Variants in PHC2 observed in about 807,000 individuals in gnomAD.
The protein encoded by PHC2 is polyhomeotic homolog 2.
Under a neutral mutation model 87.4 loss-of-function variants are expected in PHC2, and 29 were observed. The ratio of observed to expected loss-of-function variants is 0.33; its 90% CI spans 0.25 to 0.45. PHC2 has a LOEUF of 0.45. Ranked by LOEUF, PHC2 falls within the 20% of genes least tolerant of loss-of-function variation. PHC2 has a pLI of 1.00. For missense variants in PHC2, 857 were observed against 1,136.7 expected (o/e 0.75, Z 3.54); for synonymous variants, 438 against 461.7 (o/e 0.95, Z 0.66).
At chr1:33,356,206 T>C (rs4653083) in intron 7 of PHC2, among the ~76,000 whole-genome samples, 102,936 of 144,056 alleles carry the variant, frequency 0.71, 37,560 homozygotes, top group African/African-American at 0.86. Flanking sequence ...CTAGCTTTTC[T>C]CTCTTCTATT....
At chr1:33,370,666 C>A (rs372809514) in intron 4 of PHC2, 81 bp from the exon 5 acceptor site, 55 of 1,364,108 alleles carry the variant, frequency 4.0e-5, no homozygotes, top group Non-Finnish European at 5.1e-5. Context: ...CTTTCTCCCC[C>A]CTCTTTTGCT....
chr1:33,326,107 A>AT (rs1234834471), intron 14 of PHC2: 3 of 295,852 alleles, frequency 1.0e-5, no homozygotes, highest in Non-Finnish European at 6.8e-6. Flanking sequence ...AGCTAAGGAG[A>AT]TTTTCAGGCA....
rs148188199 is a variant in PHC2, at chr1:33,355,030, C to T, written c.1200G>A (p.Pro400=). The change falls in exon 8 of 15, where the codon CCG becomes CCA. Residue 400 remains proline (P), a synonymous_variant. Transcript: ENST00000683057. The stretch of plus-strand genomic sequence containing the variant: ...ACTGGAGTGGCAGGGCGGGTGTAAC[C>T]GGGCCTAGTGGCATGGCATGGGCCT... ...SSEAHAMPLG[P]VTPALPLQCP... is the part of the protein sequence containing the mutation. The T allele has an allele frequency of 2.0e-4, 317 of 1,613,792 alleles. 1 individual carries two copies. The highest frequency in any genetic ancestry group is 7.1e-4 in the East Asian group (32 of 44,876).
At chr1:33,393,016 T>G (rs1649134364) in intron 1 of PHC2, among the ~76,000 whole-genome samples, 2 of 152,172 alleles carry the variant, frequency 1.3e-5, no homozygotes, top group South Asian at 4.1e-4. Context: ...ATGCTTCAGA[T>G]AGCAGGCCAT....
At position 33,369,536 on chromosome 1, in the gene PHC2, A is replaced by G. The variant is rs1420804986; in HGVS notation, c.576+885T>C. On this transcript the variant is annotated intron_variant, in intron 5 of 14. Coordinates refer to ENST00000683057, the MANE Select transcript of PHC2 (RefSeq NM_001385109.1). The surrounding 1 kb of genome is among the most constrained non-coding windows in gnomAD (Gnocchi z 4.7). Reference sequence around the variant, plus strand: ...GAAGTCTATTTCATGCCTTGTGTCTAAGAGGCTGTTCCCTGGGGATAGAGA... The same window carrying G: ...GAAGTCTATTTCATGCCTTGTGTCTGAGAGGCTGTTCCCTGGGGATAGAGA... Among the ~76,000 whole-genome samples the G allele has an allele frequency of 6.6e-6, 1 of 152,168 alleles. No homozygotes were observed. Among genetic ancestry groups the G allele is most frequent in the Non-Finnish European group, 1.5e-5 (1 of 68,012 alleles).
chr1:33,365,691 CCTCCGTGGGGA>C (rs1647409848), intron 7 of PHC2, among the ~76,000 whole-genome samples: 1 of 152,234 alleles, frequency 6.6e-6, no homozygotes, highest in East Asian at 1.9e-4. Context: ...GGCCGTGAGG[CCTCCGTGGGGA>C]GGTGCCTTTC....
chr1:33,418,370 TGAGA>T (rs1265265335), intron 1 of PHC2, among the ~76,000 whole-genome samples: 2 of 111,306 alleles, frequency 1.8e-5, no homozygotes, highest in Admixed American at 1.7e-4. Flanking sequence ...AGAAAGAGAG[TGAGA>T]GAGAGAGAAA....
chr1:33,376,574 A>G (rs1648196817), intron 1 of PHC2, among the ~76,000 whole-genome samples: 1 of 152,256 alleles, frequency 6.6e-6, no homozygotes, highest in African/African-American at 2.4e-5. Context: ...GACACTGAAC[A>G]TCAGAGAATT....
intron 1 of PHC2, among the ~76,000 whole-genome samples, chr1:33,412,217 A>G (rs574393842): frequency 8.1e-4 from 124 of 152,374 alleles, no homozygotes; most frequent in South Asian, 1.9e-3. Flanking sequence ...CTAGAACTAA[A>G]GTAAATTGAT....
intron 1 of PHC2, among the ~76,000 whole-genome samples, chr1:33,407,525 G>C (rs1649814507): frequency 1.3e-5 from 2 of 152,112 alleles, no homozygotes; most frequent in Non-Finnish European, 2.9e-5. Context: ...AGCTGCTCCA[G>C]TAATGGTTTA....
Position 33,370,566 on chromosome 1 carries a change from G to C in PHC2, c.431C>G (p.Pro144Arg). 1 of 1,613,224 alleles carries C rather than the reference G, an allele frequency of 6.2e-7. No homozygotes were observed. The highest frequency in any genetic ancestry group is 8.5e-7 in the Non-Finnish European group (1 of 1,179,356). ...CCGGTTGAGGAGCTGGGCTGCTGCTGGGGAGGCTGCCAGGTTGATCTAATG... is the reference window on the plus strand; with the variant it reads ...CCGGTTGAGGAGCTGGGCTGCTGCTCGGGAGGCTGCCAGGTTGATCTAATG... Reference protein sequence around the residue: ...QSSSINLAASPAAAQLLNRAQ... With the variant: ...QSSSINLAASRAAAQLLNRAQ... The change falls in exon 5 of 15, where the codon CCA (proline) becomes CGA (arginine). Residue 144 changes from proline (P) to arginine (R), a missense_variant. Pro to Arg is a moderately radical substitution (Grantham distance 103). Around this residue, in one of 3 missense-constraint regions of PHC2, gnomAD observed 832 missense variants for 1,081.8 expected, o/e 0.77. Coordinates refer to ENST00000683057, the MANE Select transcript of PHC2 (RefSeq NM_001385109.1).
chr1:33,349,886 C>T lies in PHC2; in HGVS notation c.1558+4515G>A. ...GCGGGCGCTCGAGGGCTGCAGCCGC[C>T]GCGGAGACAATGCGGCGAGTCTGGG... On this transcript the variant is annotated intron_variant, in intron 9 of 14. Coordinates refer to ENST00000683057, the MANE Select transcript of PHC2 (RefSeq NM_001385109.1). The surrounding 1 kb of genome is among the most constrained non-coding windows in gnomAD (Gnocchi z 4.2). The T allele has an allele frequency of 1.0e-6, 1 of 977,242 alleles. No homozygotes were observed. The highest frequency in any genetic ancestry group is 1.2e-6 in the Non-Finnish European group (1 of 826,212). The allele number at this position is 977,242 out of a possible 1,614,324, so 60.5% of individuals were successfully genotyped here.
rs1647285653 is a variant in PHC2 at position 33,364,010 on chromosome 1, T to TC, written c.976+3105dup. The stretch of plus-strand genomic sequence containing the variant: ...CCCCTTACTCCCCTCCCCCACCTGC[T>TC]CCCCCACCCCTATTCTCGGCATAAG... On this transcript the variant is annotated intron_variant, in intron 7 of 14. Coordinates refer to ENST00000683057, the MANE Select transcript of PHC2 (RefSeq NM_001385109.1). The surrounding 1 kb of genome is among the most constrained non-coding windows in gnomAD (Gnocchi z 4.1). 1 of 484,434 alleles carries TC rather than the reference T, an allele frequency of 2.1e-6. No homozygotes were observed. Among genetic ancestry groups the TC allele is most frequent in the Non-Finnish European group, 2.7e-6 (1 of 373,474 alleles). 30.0% of individuals were successfully genotyped at this position (484,434 alleles called of 1,614,324 possible).
At chr1:33,386,779 A>AGTGCGCACACACATCACAGT (rs1334984294) in intron 1 of PHC2, among the ~76,000 whole-genome samples, 20 of 152,264 alleles carry the variant, frequency 1.3e-4, no homozygotes, top group South Asian at 1.0e-3. Context: ...CACAGCACAC[A>AGTGCGCACACACATCACAGT]GTGCGCACAC....
chr1:33,411,589 T>G (rs1440938827), intron 1 of PHC2, among the ~76,000 whole-genome samples: 1 of 151,998 alleles, frequency 6.6e-6, no homozygotes, highest in Non-Finnish European at 1.5e-5. Context: ...TGAGACGGAG[T>G]CTTGCTCTGT....
intron 9 of PHC2, among the ~76,000 whole-genome samples, chr1:33,353,625 T>C (rs900307613): frequency 6.6e-6 from 1 of 152,236 alleles, no homozygotes; most frequent in Non-Finnish European, 1.5e-5. Flanking sequence ...ACTCTTTTTC[T>C]CTTTCCTGTT....
chr1:33,327,270 CCTCT>C (rs1284555500), intron 14 of PHC2, among the ~76,000 whole-genome samples: 2 of 152,130 alleles, frequency 1.3e-5, no homozygotes, highest in Admixed American at 6.5e-5. Flanking sequence ...GAGCAGATAG[CCTCT>C]CTCTCTAGTT....
At chr1:33,337,151 AT>A (rs1469141568) in intron 9 of PHC2, among the ~76,000 whole-genome samples, 5 of 152,216 alleles carry the variant, frequency 3.3e-5, no homozygotes, top group African/African-American at 9.6e-5. Context: ...ATATTCCCTG[AT>A]GAGTCTAATG....
At chr1:33,419,750 T>C (rs1169141419) in intron 1 of PHC2, among the ~76,000 whole-genome samples, 3 of 152,140 alleles carry the variant, frequency 2.0e-5, no homozygotes, top group East Asian at 1.9e-4. Context: ...GCTGGGACTA[T>C]AGGCGCCCGC....
Sources: allele counts gnomAD v4.1 joint callset (sites outside exome capture counted in the v4.1 genomes callset), GRCh38; gene constraint gnomAD v4.1.1; regional missense constraint gnomAD v4.1.1; non-coding constraint Gnocchi (gnomAD v3.1); transcripts MANE v1.5; gene names NCBI Gene and HGNC (gene_info 2026-07-23, HGNC 2026-07-21).